Variants in CERS1 observed in about 807,000 individuals in gnomAD.
CERS1 encodes Embryonic growth/differentiation factor 1.
Under a neutral mutation model 35.7 loss-of-function variants are expected in CERS1, and 16 were observed. That is an observed-to-expected ratio of 0.45 (90% CI 0.30 to 0.68). The LOEUF (loss-of-function observed/expected upper bound fraction) is 0.68, where lower values mean the gene tolerates loss of function less well. Among genes scored for constraint, CERS1 ranks in the 30% least tolerant of loss-of-function variants. CERS1 has a pLI of 0.08. For synonymous variants in CERS1, 243 were observed against 201.6 expected (o/e 1.21, Z -1.74); for missense variants, 454 against 453.9 (o/e 1.00, Z 0.00).
At position 18,870,830 on chromosome 19, in the gene CERS1, C is replaced by T. The variant is rs1051978279; in HGVS notation, c.1011-211G>A. On this transcript the variant is annotated intron_variant, in intron 6 of 7. Transcript: ENST00000623882. This position sits in a 1 kb window ranked among gnomAD's most constrained non-coding sequence, Gnocchi z 5.1. ...CAACCTGCCCCGTAGGCACGTATGT[C>T]CCCCCTGGCACCCTGGCACTTCCTC... Among the ~76,000 whole-genome samples, 1 of 152,016 alleles carries T rather than the reference C, an allele frequency of 6.6e-6. No homozygotes were observed. Among genetic ancestry groups the T allele is most frequent in the African/African-American group, 2.4e-5 (1 of 41,370 alleles).
At position 18,868,886 on chromosome 19, in the gene CERS1, C is replaced by G. The variant is rs1355088234; in HGVS notation, c.*1099G>C. On this transcript the variant is annotated 3_prime_UTR_variant, in exon 8 of 8. Transcript: ENST00000623882. ...GACCCAGCGGTGCCAGCCCACCTCGCGGAAGCTCACGTACAGCCGCCGCGC... is the reference window on the plus strand; with the variant it reads ...GACCCAGCGGTGCCAGCCCACCTCGGGGAAGCTCACGTACAGCCGCCGCGC... The G allele has an allele frequency of 7.0e-7, 1 of 1,429,622 alleles. No individual in the cohort carries two copies. The highest frequency in any genetic ancestry group is 2.2e-5 in the Admixed American group (1 of 45,516). 88.6% of individuals were successfully genotyped at this position (1,429,622 alleles called of 1,614,324 possible).
At chr19:18,879,722 T>C (rs1601163822) in intron 4 of CERS1, among the ~76,000 whole-genome samples, 13 of 19,052 alleles carry the variant, frequency 6.8e-4, no homozygotes, top group Admixed American at 1.3e-3. Context: ...GCCCAGTCCC[T>C]CCCCTTTCCT....
At chr19:18,894,430 G>A (rs915856542) in intron 1 of CERS1, among the ~76,000 whole-genome samples, 5 of 152,148 alleles carry the variant, frequency 3.3e-5, no homozygotes, top group Non-Finnish European at 5.9e-5. Context: ...AAGAAGATCA[G>A]CTTTGGAACA....
chr19:18,889,031 A>C (rs970224530), intron 2 of CERS1, among the ~76,000 whole-genome samples: 1 of 150,874 alleles, frequency 6.6e-6, no homozygotes, highest in Non-Finnish European at 1.5e-5. Flanking sequence ...AACTGGGATT[A>C]CAGGCATGCA....
rs978085666 is a variant in CERS1, at chr19:18,879,343, G to A, written c.798C>T (p.Ala266=). 2.5e-6 allele frequency: 4 copies of A among 1,600,638 alleles called. No individual in the cohort carries two copies. Among genetic ancestry groups the A allele is most frequent in the Admixed American group, 3.5e-5 (2 of 57,268 alleles). Residue 266 remains alanine (A), a synonymous_variant, in exon 5 of 8, where the codon GCC becomes GCT. Transcript: ENST00000623882. ...LYWFPLKVLY[A]TSHCSLRTVP... ...CCGTGCGCAGACTGCAGTGACTGGTGGCATACAGGACCTTGAGCGGGAACC... is the reference window on the plus strand; with the variant it reads ...CCGTGCGCAGACTGCAGTGACTGGTAGCATACAGGACCTTGAGCGGGAACC...
chr19:18,893,209 G>C (rs887935996), intron 2 of CERS1, among the ~76,000 whole-genome samples: 17 of 148,238 alleles, frequency 1.1e-4, no homozygotes, highest in African/African-American at 4.0e-4. Flanking sequence ...CACTGCGCCT[G>C]GCCCTCTTTT....
chr19:18,893,544 C>A lies in CERS1; in HGVS notation c.281G>T (p.Arg94Ile), dbSNP rs1268321830. The change falls in exon 2 of 8, where the codon AGA (arginine) becomes ATA (isoleucine). Residue 94 changes from arginine to isoleucine, a missense_variant. By Grantham distance (97) the Arg-to-Ile change is moderately conservative. Transcript: ENST00000623882. The stretch of plus-strand genomic sequence containing the variant: ...GCTCTCGGGCATCTTGGCGGCATCT[C>A]TGGGCTGGAGGCAGCACCGCTTCGC... ...PLAKRCCLQP[R>I]DAAKMPESAW... 6.2e-7 allele frequency: 1 copy of A among 1,610,610 alleles called. No individual in the cohort carries two copies. Among genetic ancestry groups the A allele is most frequent in the South Asian group, 1.1e-5 (1 of 90,384 alleles).
rs1006919387 is a variant in CERS1 at position 18,878,522 on chromosome 19, G to A, written c.1010+408C>T. On this transcript the variant is annotated intron_variant, in intron 6 of 7. Coordinates refer to ENST00000623882, the MANE Select transcript of CERS1 (RefSeq NM_021267.5). The surrounding 1 kb of genome is among the most constrained non-coding windows in gnomAD (Gnocchi z 4.6). ...CTGGGTTCTCTCTGTGGCCCTTGGC[G>A]TTCCTTCCTCCCCAGCCCCACTGCC... The A allele has an allele frequency of 1.8e-5, 18 of 1,015,444 alleles. No individual in the cohort carries two copies. Among genetic ancestry groups the A allele is most frequent in the South Asian group, 7.8e-5 (2 of 25,792 alleles). 62.9% of individuals were successfully genotyped at this position (1,015,444 alleles called of 1,614,324 possible).
chr19:18,870,217 C>T lies in CERS1; in HGVS notation c.*360G>A. On this transcript the variant is annotated 3_prime_UTR_variant, in exon 7 of 8. Transcript: ENST00000623882. The surrounding 1 kb of genome is among the most constrained non-coding windows in gnomAD (Gnocchi z 5.1). The stretch of plus-strand genomic sequence containing the variant: ...AGGGCGGCGGCTGGGCCTGGGGGCA[C>T]GGGGGCGCGGGTCAGGGGCAGCGAG... 3 of 1,554,084 alleles carry T rather than the reference C, an allele frequency of 1.9e-6. No individual in the cohort carries two copies. Among genetic ancestry groups the T allele is most frequent in the Non-Finnish European group, 2.6e-6 (3 of 1,155,440 alleles).
rs530663169 is a variant in CERS1, at chr19:18,893,190, G to A, written c.409+226C>T. ...GGCCTCCCAAAGTGCTGGGATTACA[G>A]GCGTGAGCCACTGCGCCTGGCCCTC... On this transcript the variant is annotated intron_variant, in intron 2 of 7. Coordinates refer to ENST00000623882, the MANE Select transcript of CERS1 (RefSeq NM_021267.5). 2.6e-5 allele frequency among the ~76,000 whole-genome samples: 4 copies of A among 152,120 alleles called. No individual in the cohort carries two copies. In the South Asian group the frequency reaches 8.3e-4, roughly 32 times the overall value.
chr19:18,874,642 G>A (rs937013448), intron 6 of CERS1, among the ~76,000 whole-genome samples: 2 of 152,252 alleles, frequency 1.3e-5, no homozygotes, highest in African/African-American at 4.8e-5. Flanking sequence ...GAGGGGCTGA[G>A]TCATGACAAG....
Position 18,869,981 on chromosome 19 carries a change from A to T in CERS1, c.*594+2T>A. 6.3e-7 allele frequency: 1 copy of T among 1,585,336 alleles called. No homozygotes were observed. The highest frequency in any genetic ancestry group is 8.6e-7 in the Non-Finnish European group (1 of 1,167,534). On this transcript the variant is annotated splice_donor_variant, in intron 7 of 7. Coordinates refer to ENST00000623882, the MANE Select transcript of CERS1 (RefSeq NM_021267.5). LOFTEE classifies it low-confidence loss of function (3UTR_SPLICE). Reference sequence around the variant, plus strand: ...AGTGTCCCCAGCGAAAGCCCCACTCACCGCGGTCCGGGATGTGGCGCACGA... The same window carrying T: ...AGTGTCCCCAGCGAAAGCCCCACTCTCCGCGGTCCGGGATGTGGCGCACGA...
intron 2 of CERS1, among the ~76,000 whole-genome samples, chr19:18,892,721 G>A (rs1449436067): frequency 6.6e-6 from 1 of 152,070 alleles, no homozygotes; most frequent in Non-Finnish European, 1.5e-5. Flanking sequence ...CCGGGCCTTT[G>A]CACGTGCTGT....
In CERS1 at chr19:18,888,537, A is replaced by C. The variant is rs1277442451; in HGVS notation, c.410-4270T>G. 7.0e-3 allele frequency among the ~76,000 whole-genome samples: 1,030 copies of C among 147,862 alleles called. 6 individuals carry two copies. The highest frequency in any genetic ancestry group is 0.024 in the African/African-American group (956 of 39,884). ...TGTCTCTTAAAAAAAAAAAAAAAAA[A>C]AAAAAAAAACAGGCTAGGTGCGGTG... On this transcript the variant is annotated intron_variant, in intron 2 of 7. Transcript: ENST00000623882.
Position 18,893,423 on chromosome 19 carries a change from G to A in CERS1, c.402C>T (p.Val134=), listed in dbSNP as rs1203214467. The change falls in exon 2 of 8, where the codon GTC becomes GTT. Residue 134 remains valine, a synonymous_variant. Transcript: ENST00000623882. The stretch of plus-strand genomic sequence containing the variant: ...TCCCCTCAGGGCCCCTACCGTAGAA[G>A]ACAGATGGTGGGTCATGGAAGAAGG... The part of the protein sequence containing the change: ...DYPFFHDPPS[V]FYDWTPGMAV... The A allele has an allele frequency of 3.7e-6, 6 of 1,603,626 alleles. No homozygotes were observed. Among genetic ancestry groups the A allele is most frequent in the Non-Finnish European group, 5.1e-6 (6 of 1,175,604 alleles).
At chr19:18,884,658 C>T (rs1263561575) in intron 2 of CERS1, among the ~76,000 whole-genome samples, 2 of 149,600 alleles carry the variant, frequency 1.3e-5, no homozygotes, top group Non-Finnish European at 3.0e-5. Flanking sequence ...TCACCTGCCT[C>T]GGCCTCCCAA....
chr19:18,875,892 G>A (rs2056052354), intron 6 of CERS1, among the ~76,000 whole-genome samples: 1 of 152,190 alleles, frequency 6.6e-6, no homozygotes, highest in Admixed American at 6.5e-5. Context: ...GGCAAGGAGG[G>A]GATCCTCGCT....
chr19:18,888,733 G>A (rs2056421844), intron 2 of CERS1, among the ~76,000 whole-genome samples: 1 of 151,604 alleles, frequency 6.6e-6, no homozygotes. Flanking sequence ...CGGAGGCTGA[G>A]GCAGGAGAAT....
intron 1 of CERS1, among the ~76,000 whole-genome samples, chr19:18,893,845 G>T (rs1033566951): frequency 5.9e-5 from 9 of 152,048 alleles, no homozygotes; most frequent in Non-Finnish European, 1.2e-4. Context: ...GGGGCCAGAA[G>T]GGGGACACTT....
Sources: gnomAD v4.1 joint callset for allele counts (sites outside exome capture counted in the v4.1 genomes callset) on GRCh38, gnomAD v4.1.1 for gene constraint, Gnocchi (gnomAD v3.1) non-coding constraint, MANE v1.5 for transcripts, NCBI Gene and HGNC (gene_info 2026-07-23, HGNC 2026-07-21) for gene names.